Variants in RBL1 observed in about 807,000 individuals in gnomAD.
RBL1 encodes the protein retinoblastoma-like protein 1.
Under a neutral mutation model 123.0 loss-of-function variants are expected in RBL1, and 82 were observed. The ratio of observed to expected loss-of-function variants is 0.67; its 90% CI spans 0.56 to 0.80. The LOEUF (loss-of-function observed/expected upper bound fraction) is 0.80, where lower values mean the gene tolerates loss of function less well. RBL1 is among the 30% of genes least tolerant of loss of function. The pLI is 0.00. For missense variants in RBL1, 1,171 were observed against 1,299.6 expected (o/e 0.90, Z 1.52); for synonymous variants, 405 against 441.3 (o/e 0.92, Z 1.03).
At position 37,000,265 on chromosome 20, in the gene RBL1, C is replaced by A. The variant is rs1488780828; in HGVS notation, c.3037-1336G>T. On this transcript the variant is annotated intron_variant, in intron 21 of 21. Transcript: ENST00000373664. The stretch of plus-strand genomic sequence containing the variant: ...GAGCCCCTCCGCCCGGCAGCCACTC[C>A]GTCTGGGAAGTGAGGAGCGTCTTCG... 3.3e-4 allele frequency among the ~76,000 whole-genome samples: 50 copies of A among 149,964 alleles called. 1 individual carries two copies. The highest frequency in any genetic ancestry group is 8.7e-4 in the African/African-American group (35 of 40,444).
At chr20:37,061,028 A>G in intron 9 of RBL1, 75 bp downstream of exon 9, 2 of 1,390,718 alleles carry the variant, frequency 1.4e-6, no homozygotes, top group Non-Finnish European at 1.9e-6. Flanking sequence ...AGAATTCTGA[A>G]TATACTAAAA....
chr20:37,001,070 A>G (rs1600431701), intron 21 of RBL1, among the ~76,000 whole-genome samples: 1 of 137,780 alleles, frequency 7.3e-6, no homozygotes, highest in African/African-American at 2.8e-5. Context: ...TCCGGGAGGG[A>G]GGCGGGGAGG....
chr20:37,094,665 G>A (rs375025683), intron 1 of RBL1, among the ~76,000 whole-genome samples: 4 of 152,146 alleles, frequency 2.6e-5, no homozygotes, highest in Non-Finnish European at 5.9e-5. Context: ...TTTAGATAGA[G>A]TCTTGCTGTC....
At chr20:37,077,813 C>T (rs2065389453) in intron 2 of RBL1, among the ~76,000 whole-genome samples, 1 of 148,530 alleles carries the variant, frequency 6.7e-6, no homozygotes, top group Non-Finnish European at 1.5e-5. Flanking sequence ...AATTCTCTTA[C>T]ATAACCAAAG....
At chr20:37,051,409 G>A (rs2064910211) in intron 11 of RBL1, among the ~76,000 whole-genome samples, 1 of 152,194 alleles carries the variant, frequency 6.6e-6, no homozygotes, top group South Asian at 2.1e-4. Flanking sequence ...TAGAACTCCT[G>A]ACCTTAGGTG....
intron 9 of RBL1, 105 bp downstream of exon 9, chr20:37,060,998 G>C (rs2065084850): frequency 8.9e-6 from 11 of 1,239,998 alleles, no homozygotes; most frequent in South Asian, 2.0e-5. Flanking sequence ...AAACTTGCCA[G>C]ATGAACATCC....
chr20:37,002,251 G>C (rs536092781), intron 21 of RBL1, among the ~76,000 whole-genome samples: 18 of 150,526 alleles, frequency 1.2e-4, no homozygotes, highest in African/African-American at 3.6e-4. Context: ...GGCTGGTCTT[G>C]AACTCCTGGC....
rs778254746 is a variant in RBL1 at position 37,062,310 on chromosome 20, A to G, written c.897-40T>C. On this transcript the variant is annotated intron_variant, in intron 7 of 21. Transcript: ENST00000373664. Reference sequence around the variant, plus strand: ...ATTATAAGCTGTAATACTAAGTTACACAATGGATTTATTTTGACTTGAAGA... The same window carrying G: ...ATTATAAGCTGTAATACTAAGTTACGCAATGGATTTATTTTGACTTGAAGA... 8 of 1,587,742 alleles carry G rather than the reference A, an allele frequency of 5.0e-6. No homozygotes were observed. The South Asian group carries it at 8.0e-5, about 16-fold the overall frequency.
chr20:37,072,876 C>T (rs1160658079), intron 2 of RBL1, among the ~76,000 whole-genome samples: 2 of 152,130 alleles, frequency 1.3e-5, no homozygotes, highest in Non-Finnish European at 2.9e-5. Context: ...CTTTTCTAAG[C>T]GTAGTTTTCT....
chr20:37,017,510 A>T (rs555605792), intron 19 of RBL1, among the ~76,000 whole-genome samples: 2 of 152,178 alleles, frequency 1.3e-5, no homozygotes, highest in South Asian at 4.1e-4. Flanking sequence ...CTTTGAAAAA[A>T]AAAGATTACT....
chr20:36,998,516 G>A lies in RBL1; in HGVS notation c.*243C>T, dbSNP rs1004801962. On this transcript the variant is annotated 3_prime_UTR_variant, in exon 22 of 22. Transcript: ENST00000373664. ...TGGGATTACAGGCGTGAGCCACAGCGCCTGGCCGGACTATTAGTATTTTTA... is the reference window on the plus strand; with the variant it reads ...TGGGATTACAGGCGTGAGCCACAGCACCTGGCCGGACTATTAGTATTTTTA... 3.7e-4 allele frequency: 136 copies of A among 367,574 alleles called. 1 individual carries two copies. The highest frequency in any genetic ancestry group is 1.8e-4 in the Admixed American group (4 of 21,844). 22.8% of individuals were successfully genotyped at this position (367,574 alleles called of 1,614,324 possible).
At chr20:37,045,955 C>G (rs754824489) in intron 12 of RBL1, among the ~76,000 whole-genome samples, 45 of 152,130 alleles carry the variant, frequency 3.0e-4, no homozygotes, top group Non-Finnish European at 4.4e-4. Flanking sequence ...TAGCATTAGT[C>G]TTAAAGTTCG....
intron 19 of RBL1, among the ~76,000 whole-genome samples, chr20:37,010,513 A>G (rs2064133638): frequency 6.6e-6 from 1 of 152,204 alleles, no homozygotes; most frequent in African/African-American, 2.4e-5. Flanking sequence ...ACACAAACCT[A>G]GATTGTATGG....
chr20:37,025,990 G>A (rs1456074416), intron 16 of RBL1, among the ~76,000 whole-genome samples: 7 of 151,948 alleles, frequency 4.6e-5, no homozygotes, highest in South Asian at 4.1e-4. Context: ...TGATCCGCCC[G>A]TCTTGGCCTC....
intron 16 of RBL1, among the ~76,000 whole-genome samples, chr20:37,029,810 AT>A (rs1295418308): frequency 3.3e-5 from 5 of 152,224 alleles, no homozygotes; most frequent in Admixed American, 1.3e-4. Context: ...AAAAAATGAA[AT>A]TAAGACAATT....
chr20:37,051,140 T>C (rs2064904781), intron 11 of RBL1, among the ~76,000 whole-genome samples: 1 of 152,150 alleles, frequency 6.6e-6, no homozygotes, highest in African/African-American at 2.4e-5. Flanking sequence ...CTCAAACTCC[T>C]GGGCTCAAGC....
rs1406392763 is a variant in RBL1 at position 37,000,886 on chromosome 20, A to G, written c.3037-1957T>C. On this transcript the variant is annotated intron_variant, in intron 21 of 21. Transcript: ENST00000373664. The stretch of plus-strand genomic sequence containing the variant: ...CTCTGCCCGGCCAGCCGCCCCGTCC[A>G]GGAGGGAGGTGGGGGGGTCAGCCCC... Among the ~76,000 whole-genome samples, 80 of 115,484 alleles carry G rather than the reference A, an allele frequency of 6.9e-4. 1 individual carries two copies. The highest frequency in any genetic ancestry group is 2.5e-3 in the African/African-American group (74 of 30,196). The allele number at this position is 115,484 out of a possible 152,430, so 75.8% of individuals were successfully genotyped here. A position where few individuals can be genotyped will look rare whatever the true frequency, so the allele number is the denominator to read the frequency against.
In RBL1 at chr20:37,065,456, G is replaced by T; in HGVS notation, c.864C>A (p.Cys288Ter). ...CAGTAAAACTTGAAAGGTCCAGGAGGCATTCTCCTTTTAATATCTGTGAAC... is the reference window on the plus strand; with the variant it reads ...CAGTAAAACTTGAAAGGTCCAGGAGTCATTCTCCTTTTAATATCTGTGAAC... Reference protein sequence around the residue: ...LFDRKILKGECLLDLSSFTDN... With the variant: ...LFDRKILKGE Residue 288 changes from cysteine (C) to a stop codon, truncating the protein, a stop_gained, in exon 7 of 22, where the codon TGC (cysteine) becomes TGA (stop). Transcript: ENST00000373664. LOFTEE classifies it high-confidence loss of function. 6.3e-7 allele frequency: 1 copy of T among 1,596,458 alleles called. No homozygotes were observed. The highest frequency in any genetic ancestry group is 8.6e-7 in the Non-Finnish European group (1 of 1,168,350).
intron 9 of RBL1, among the ~76,000 whole-genome samples, chr20:37,058,886 T>A (rs1047714456): frequency 3.3e-5 from 5 of 151,720 alleles, no homozygotes; most frequent in Non-Finnish European, 5.9e-5. Context: ...GGAATGCATA[T>A]CACCATGACT....
Sources: gnomAD v4.1 joint callset for allele counts (sites outside exome capture counted in the v4.1 genomes callset) on GRCh38, gnomAD v4.1.1 for gene constraint, MANE v1.5 for transcripts, NCBI Gene and HGNC (gene_info 2026-07-23, HGNC 2026-07-21) for gene names.